Variants in DLG2 observed in about 807,000 individuals in gnomAD.
DLG2 encodes the protein disks large homolog 2.
Under a neutral mutation model 132.5 loss-of-function variants are expected in DLG2, and 45 were observed. The ratio of observed to expected loss-of-function variants is 0.34; its 90% CI spans 0.27 to 0.44. DLG2 has a LOEUF of 0.44. Ranked by LOEUF, DLG2 falls within the 20% of genes least tolerant of loss-of-function variation. DLG2 has a pLI of 1.00. For synonymous variants in DLG2, 424 were observed against 419.6 expected (o/e 1.01, Z -0.13); for missense variants, 1,045 against 1,196.9 (o/e 0.87, Z 1.87).
intron 7 of DLG2, among the ~76,000 whole-genome samples, chr11:84,287,345 A>G (rs1353386520): frequency 1.3e-5 from 2 of 152,102 alleles, no homozygotes; most frequent in Non-Finnish European, 2.9e-5. Flanking sequence ...TTTTACAGAT[A>G]TGAAACTGAG....
At chr11:85,176,167 G>C (rs1056801910) in intron 4 of DLG2, among the ~76,000 whole-genome samples, 1 of 152,036 alleles carries the variant, frequency 6.6e-6, no homozygotes, top group African/African-American at 2.4e-5. Flanking sequence ...ACAATCCTAC[G>C]CAAAAAGAAC....
chr11:83,954,717 AG>A (rs1332068055), intron 14 of DLG2, among the ~76,000 whole-genome samples: 1 of 152,220 alleles, frequency 6.6e-6, no homozygotes, highest in Non-Finnish European at 1.5e-5. Flanking sequence ...ATTTTTTAAA[AG>A]GGCAAAATCA....
intron 6 of DLG2, among the ~76,000 whole-genome samples, chr11:84,569,661 G>A (rs1383307898): frequency 6.6e-6 from 1 of 152,194 alleles, no homozygotes; most frequent in African/African-American, 2.4e-5. Flanking sequence ...GTACAATATA[G>A]AATGATGGTT....
intron 6 of DLG2, among the ~76,000 whole-genome samples, chr11:84,798,096 C>T (rs191299252): frequency 1.1e-3 from 169 of 152,250 alleles, no homozygotes; most frequent in African/African-American, 3.9e-3. Context: ...ATAGCCATGA[C>T]GACTGGAACT....
At chr11:83,876,910 A>T (rs1043195854) in intron 15 of DLG2, among the ~76,000 whole-genome samples, 1 of 152,136 alleles carries the variant, frequency 6.6e-6, no homozygotes, top group Non-Finnish European at 1.5e-5. Flanking sequence ...GTTACTTCCT[A>T]TGAAGATATA....
intron 8 of DLG2, among the ~76,000 whole-genome samples, chr11:84,228,531 A>C (rs556923144): frequency 1.3e-5 from 2 of 152,322 alleles, no homozygotes; most frequent in South Asian, 4.1e-4. Context: ...TGGTGAAGTG[A>C]TCCTAAGAAA....
intron 7 of DLG2, among the ~76,000 whole-genome samples, chr11:84,415,724 G>A (rs942286192): frequency 2.6e-5 from 4 of 152,122 alleles, no homozygotes; most frequent in Admixed American, 6.5e-5. Context: ...GTAATCAGTG[G>A]GCAAAACACT....
chr11:84,512,211 A>G (rs971322291), intron 7 of DLG2, among the ~76,000 whole-genome samples: 12 of 152,142 alleles, frequency 7.9e-5, no homozygotes, highest in African/African-American at 2.7e-4. Context: ...TCCCCTCCCA[A>G]TAAGGACACC....
intron 3 of DLG2, among the ~76,000 whole-genome samples, chr11:85,563,791 G>A (rs1279619409): frequency 6.6e-6 from 1 of 152,010 alleles, no homozygotes; most frequent in African/African-American, 2.4e-5. Flanking sequence ...CTTATACAAT[G>A]CTTTGTGTGA....
intron 16 of DLG2, among the ~76,000 whole-genome samples, chr11:83,863,270 A>G (rs761566464): frequency 1.5e-4 from 23 of 152,144 alleles, no homozygotes; most frequent in Non-Finnish European, 3.1e-4. Context: ...TTCTTTTTAC[A>G]TCTACTACTA....
rs1248141730 is a variant in DLG2 at position 84,832,606 on chromosome 11, T to C, written c.357+279055A>G. On this transcript the variant is annotated intron_variant, in intron 6 of 27. Transcript: ENST00000376104. ...TCAACCATGGGATAACTGTAATAAT[T>C]CTTAGGCCTGAAAAGCAACATAAAT... Among the ~76,000 whole-genome samples the C allele has an allele frequency of 2.0e-5, 3 of 151,784 alleles. No individual in the cohort carries two copies. In the East Asian group the frequency reaches 5.8e-4, roughly 30 times the overall value.
intron 12 of DLG2, among the ~76,000 whole-genome samples, chr11:83,971,856 ATG>A (rs1012482302): frequency 6.6e-6 from 1 of 152,192 alleles, no homozygotes; most frequent in Non-Finnish European, 1.5e-5. Context: ...TTATAATAAA[ATG>A]TATTCAAAAT....
intron 6 of DLG2, among the ~76,000 whole-genome samples, chr11:85,071,309 G>A (rs556618887): frequency 3.9e-5 from 6 of 151,918 alleles, no homozygotes; most frequent in Non-Finnish European, 5.9e-5. Context: ...AGTCACTGGG[G>A]TGGAGATTAC....
intron 7 of DLG2, among the ~76,000 whole-genome samples, chr11:84,309,036 C>T (rs981062853): frequency 6.6e-6 from 1 of 152,174 alleles, no homozygotes; most frequent in Non-Finnish European, 1.5e-5. Flanking sequence ...AGTGGGTGCC[C>T]AGGCAGAGGA....
At chr11:83,465,328 T>G (rs969009827) in intron 26 of DLG2, among the ~76,000 whole-genome samples, 1 of 152,322 alleles carries the variant, frequency 6.6e-6, no homozygotes, top group Admixed American at 6.5e-5. Flanking sequence ...GCTGCTGCAG[T>G]TTGCTTTGCT....
At chr11:84,019,429 T>C (rs569457544) in intron 11 of DLG2, among the ~76,000 whole-genome samples, 95 of 152,258 alleles carry the variant, frequency 6.2e-4, no homozygotes, top group Middle Eastern at 3.4e-3. Flanking sequence ...TACATTTCTC[T>C]ACAAAATAAC....
rs564762192 is a variant in DLG2, at chr11:83,480,998, A to C, written c.2293+3131T>G. Among the ~76,000 whole-genome samples the C allele has an allele frequency of 3.1e-4, 47 of 152,216 alleles. No homozygotes were observed. The South Asian group carries it at 3.1e-3, about 10-fold the overall frequency. ...TTCTGCTTCAGTGAGTGAGTTGAAA[A>C]TCTTTGAGGAAGATGTGAGTCACTG... On this transcript the variant is annotated intron_variant, in intron 22 of 27. Coordinates refer to ENST00000376104, the MANE Select transcript of DLG2 (RefSeq NM_001142699.3).
intron 6 of DLG2, among the ~76,000 whole-genome samples, chr11:84,676,644 T>C (rs1433702107): frequency 6.6e-6 from 1 of 152,104 alleles, no homozygotes; most frequent in African/African-American, 2.4e-5. Context: ...AAATACTTTA[T>C]GTGAAGCAAC....
chr11:83,857,267 T>C (rs1383756082), intron 16 of DLG2, among the ~76,000 whole-genome samples: 5 of 152,234 alleles, frequency 3.3e-5, no homozygotes, highest in Non-Finnish European at 5.9e-5. Flanking sequence ...TCCAGCTTTG[T>C]TCCTTTTGCT....
Sources: gnomAD v4.1 joint callset for allele counts (sites outside exome capture counted in the v4.1 genomes callset) on GRCh38, gnomAD v4.1.1 for gene constraint, MANE v1.5 for transcripts, NCBI Gene and HGNC (gene_info 2026-07-23, HGNC 2026-07-21) for gene names.